The following CACNA2D1 variants were observed in gnomAD, a reference collection of about 807,000 sequenced individuals.
The protein encoded by CACNA2D1 is voltage-dependent calcium channel subunit alpha-2/delta-1.
Under a neutral mutation model 171.5 loss-of-function variants are expected in CACNA2D1, and 53 were observed. The ratio of observed to expected loss-of-function variants is 0.31; its 90% CI spans 0.25 to 0.39. The LOEUF is 0.39. Among genes scored for constraint, CACNA2D1 ranks in the 10% least tolerant of loss-of-function variants. The pLI is 1.00. For synonymous variants in CACNA2D1, 442 were observed against 443.1 expected (o/e 1.00, Z 0.03); for missense variants, 903 against 1,299.8 (o/e 0.69, Z 4.69).
At chr7:82,168,701 T>C (rs1352511616) in intron 4 of CACNA2D1, among the ~76,000 whole-genome samples, 1 of 125,662 alleles carries the variant, frequency 8.0e-6, no homozygotes, top group Non-Finnish European at 1.9e-5. Context: ...AAATAATAGT[T>C]AAATGAAACA....
intron 7 of CACNA2D1, among the ~76,000 whole-genome samples, chr7:82,075,086 C>T (rs2128997481): frequency 6.6e-6 from 1 of 152,096 alleles, no homozygotes; most frequent in South Asian, 2.1e-4. Context: ...TTGTTCAACT[C>T]CCACTTATGA....
At chr7:82,020,762 A>G (rs543705991) in intron 12 of CACNA2D1, 6 of 152,292 alleles carry the variant, frequency 3.9e-5, no homozygotes, top group African/African-American at 1.4e-4. Flanking sequence ...TTATGTCCAC[A>G]TAAGATATAT....
At chr7:82,343,307 T>TA (rs1818892025) in intron 2 of CACNA2D1, 1 of 152,182 alleles carries the variant, frequency 6.6e-6, no homozygotes, top group African/African-American at 2.4e-5. Flanking sequence ...CAGCACACAC[T>TA]GCTACTCGCC....
intron 2 of CACNA2D1, among the ~76,000 whole-genome samples, chr7:82,341,073 AT>A (rs921855084): frequency 7.3e-5 from 11 of 151,426 alleles, no homozygotes; most frequent in South Asian, 2.1e-4. Context: ...TGGGTTATAC[AT>A]TTTTTTTTCC....
intron 3 of CACNA2D1, among the ~76,000 whole-genome samples, chr7:82,258,914 G>A (rs938433849): frequency 1.5e-5 from 2 of 130,900 alleles, no homozygotes; most frequent in Non-Finnish European, 1.6e-5. Context: ...TGCAACCTCC[G>A]CCTCCCAGGT....
chr7:82,246,617 A>C (rs553232305), intron 3 of CACNA2D1, among the ~76,000 whole-genome samples: 11 of 152,146 alleles, frequency 7.2e-5, no homozygotes, highest in Non-Finnish European at 8.8e-5. Context: ...TAGGGGGCTA[A>C]GAGAAGAAAC....
chr7:82,237,402 C>T (rs1004335180), intron 3 of CACNA2D1, among the ~76,000 whole-genome samples: 1 of 151,898 alleles, frequency 6.6e-6, no homozygotes, highest in Non-Finnish European at 1.5e-5. Context: ...CAGACACACA[C>T]ACAGATATAT....
intron 2 of CACNA2D1, among the ~76,000 whole-genome samples, chr7:82,337,905 C>G (rs1818187607): frequency 6.6e-6 from 1 of 152,142 alleles, no homozygotes; most frequent in Admixed American, 6.5e-5. Context: ...TTCTTTCTTT[C>G]CTACAATCTT....
chr7:82,239,927 AT>A (rs1464293607), intron 3 of CACNA2D1, among the ~76,000 whole-genome samples: 1 of 152,222 alleles, frequency 6.6e-6, no homozygotes, highest in Non-Finnish European at 1.5e-5. Context: ...ATCTCAGCTT[AT>A]AAGAGTGCTC....
chr7:81,963,157 A>G (rs1455934024), intron 34 of CACNA2D1, among the ~76,000 whole-genome samples: 1 of 152,006 alleles, frequency 6.6e-6, no homozygotes, highest in Admixed American at 6.6e-5. Context: ...AAATTAATAT[A>G]TAAAATCACA....
rs542050483 is a variant in CACNA2D1, at chr7:82,129,536, T to G, written c.396+7099A>C. 1.1e-4 allele frequency among the ~76,000 whole-genome samples: 16 copies of G among 152,366 alleles called. No individual in the cohort carries two copies. The South Asian group carries it at 3.3e-3, about 32-fold the overall frequency. On this transcript the variant is annotated intron_variant, in intron 5 of 38. Transcript: ENST00000356860. ...TCACATTGTCAAATTTGTTAGTTTC[T>G]CCATTGAGAATTTTGTTTCAGTGGT...
intron 6 of CACNA2D1, among the ~76,000 whole-genome samples, chr7:82,094,638 T>C (rs752974597): frequency 2.6e-5 from 4 of 152,214 alleles, no homozygotes; most frequent in African/African-American, 7.2e-5. Flanking sequence ...CAATAAATCA[T>C]GTATTTTTAA....
chr7:82,074,896 G>T (rs890626801), intron 7 of CACNA2D1, among the ~76,000 whole-genome samples: 7 of 151,854 alleles, frequency 4.6e-5, no homozygotes, highest in Admixed American at 4.6e-4. Context: ...AAGTTCTGGG[G>T]TACTTGTGCA....
chr7:82,272,717 T>C (rs578136120), intron 3 of CACNA2D1, among the ~76,000 whole-genome samples: 1 of 152,316 alleles, frequency 6.6e-6, no homozygotes, highest in Admixed American at 6.5e-5. Context: ...CGTAATATCC[T>C]AGTACTTCTT....
At chr7:82,150,646 C>T (rs1180549220) in intron 4 of CACNA2D1, among the ~76,000 whole-genome samples, 1 of 152,076 alleles carries the variant, frequency 6.6e-6, no homozygotes, top group Non-Finnish European at 1.5e-5. Flanking sequence ...CTACCAAATA[C>T]AAGCTGGCAA....
chr7:82,381,998 A>T (rs866084558), intron 1 of CACNA2D1, among the ~76,000 whole-genome samples: 10 of 152,160 alleles, frequency 6.6e-5, no homozygotes, highest in African/African-American at 2.4e-4. Context: ...TAATAGACCT[A>T]TTTTACCCAC....
intron 15 of CACNA2D1, 35 bp from the exon 16 acceptor site, chr7:82,007,791 A>C: frequency 1.6e-6 from 2 of 1,221,756 alleles, no homozygotes; most frequent in Non-Finnish European, 2.4e-6. Context: ...GGCAAATTAA[A>C]ATTACAATTT....
rs1454596711 is a variant in CACNA2D1, at chr7:81,964,332, G to A, written c.2602C>T (p.Pro868Ser). Residue 868 changes from proline to serine, a missense_variant, in exon 33 of 39, where the codon CCC (proline) becomes TCC (serine). By Grantham distance (74) the Pro-to-Ser change is moderately conservative. Transcript: ENST00000356860. ...TTAACCAGGTGTCTCATCAAGCTGGGATCAATCTCTCCAAAAAATCTTCCA... is the reference window on the plus strand; with the variant it reads ...TTAACCAGGTGTCTCATCAAGCTGGAATCAATCTCTCCAAAAAATCTTCCA... Reference protein sequence around the residue: ...QIGRFFGEIDPSLMRHLVNIS... With the variant: ...QIGRFFGEIDSSLMRHLVNIS... The A allele has an allele frequency of 3.1e-6, 5 of 1,611,690 alleles. No homozygotes were observed. In the Admixed American group the frequency reaches 8.4e-5, roughly 27 times the overall value.
intron 1 of CACNA2D1, among the ~76,000 whole-genome samples, chr7:82,376,949 GAGAT>G: frequency 6.6e-6 from 1 of 152,180 alleles, no homozygotes; most frequent in Non-Finnish European, 1.5e-5. Flanking sequence ...TCAGCATGCT[GAGAT>G]AATTATATAC....
Sources: gnomAD v4.1 joint callset for allele counts (sites outside exome capture counted in the v4.1 genomes callset) on GRCh38, gnomAD v4.1.1 for gene constraint, MANE v1.5 for transcripts, NCBI Gene and HGNC (gene_info 2026-07-23, HGNC 2026-07-21) for gene names.